The following MAML2 variants were observed in gnomAD, a reference collection of about 807,000 sequenced individuals.
MAML2 encodes mastermind-like protein 2.
MAML2 carries 22 observed loss-of-function variants against 96.1 expected under a neutral mutation model. That is an observed-to-expected ratio of 0.23 (90% confidence interval 0.16 to 0.33). MAML2 has a LOEUF of 0.33. Ranked by LOEUF, MAML2 falls within the 10% of genes least tolerant of loss-of-function variation. The pLI is 1.00. For missense variants in MAML2, 1,367 were observed against 1,392.4 expected (o/e 0.98, Z 0.29); for synonymous variants, 561 against 521.3 (o/e 1.08, Z -1.04).
intron 1 of MAML2, among the ~76,000 whole-genome samples, chr11:96,245,215 CTTTTTTT>C (rs10584752): frequency 7.6e-6 from 1 of 131,630 alleles, no homozygotes; most frequent in South Asian, 2.4e-4. Flanking sequence ...AGTCATCCTT[CTTTTTTT>C]TTTTTTTTTT....
rs1565211322 is a variant in MAML2 at position 96,092,084 on chromosome 11, C to T, written c.1947G>A (p.Gln649=). The change falls in exon 2 of 5, where the codon CAG becomes CAA. Residue 649 remains glutamine (Q), a synonymous_variant. Coordinates refer to ENST00000524717, the MANE Select transcript of MAML2 (RefSeq NM_032427.4). This position sits in a 1 kb window ranked among gnomAD's most constrained non-coding sequence, Gnocchi z 4.1. ...QQQQQQQQQQ[Q]QQQQQQQQQQ... ...GTTGTTGCTGTTGTTGTTGCTGCTG[C>T]TGCTGCTGTTGTTGCTGCTGCTGCT... The T allele has an allele frequency of 1.2e-5, 19 of 1,548,466 alleles. No homozygotes were observed. Among genetic ancestry groups the T allele is most frequent in the Non-Finnish European group, 1.7e-5 (19 of 1,146,204 alleles).
chr11:96,297,258 A>C (rs115718495), intron 1 of MAML2, among the ~76,000 whole-genome samples: 5,921 of 152,250 alleles, frequency 0.039, 204 homozygotes, highest in South Asian at 0.18. Flanking sequence ...TAAAGTTTTA[A>C]ATATTTGAGA....
intron 1 of MAML2, among the ~76,000 whole-genome samples, chr11:96,248,260 C>A (rs1862537058): frequency 6.6e-6 from 1 of 151,690 alleles, no homozygotes; most frequent in Non-Finnish European, 1.5e-5. Flanking sequence ...CTACAGGCAC[C>A]TGCCACCATG....
In MAML2 at chr11:96,235,809, A is replaced by G. The variant is rs144599223; in HGVS notation, c.513+105574T>C. 2.1e-3 allele frequency among the ~76,000 whole-genome samples: 317 copies of G among 152,346 alleles called. 1 individual carries two copies. Among genetic ancestry groups the G allele is most frequent in the African/African-American group, 7.3e-3 (304 of 41,588 alleles). Reference sequence around the variant, plus strand: ...CACTGAAACACTTCACATTATTTCAAGCATTCAGTACCGAGTAAAACCCCT... The same window carrying G: ...CACTGAAACACTTCACATTATTTCAGGCATTCAGTACCGAGTAAAACCCCT... On this transcript the variant is annotated intron_variant, in intron 1 of 4. Coordinates refer to ENST00000524717, the MANE Select transcript of MAML2 (RefSeq NM_032427.4).
At chr11:96,177,897 G>T (rs183580444) in intron 1 of MAML2, among the ~76,000 whole-genome samples, 21 of 147,936 alleles carry the variant, frequency 1.4e-4, no homozygotes, top group Non-Finnish European at 2.2e-4. Context: ...AGAAAAAATT[G>T]AATATCTGGA....
At chr11:96,083,663 C>A (rs558166050) in intron 2 of MAML2, among the ~76,000 whole-genome samples, 75 of 152,228 alleles carry the variant, frequency 4.9e-4, no homozygotes, top group Middle Eastern at 3.4e-3. Context: ...AGCCCCAGAA[C>A]AGAAGAAAGG....
intron 2 of MAML2, among the ~76,000 whole-genome samples, chr11:96,036,249 C>T (rs1003406177): frequency 2.6e-5 from 4 of 152,018 alleles, no homozygotes; most frequent in Non-Finnish European, 4.4e-5. Context: ...ATCAAAAAGC[C>T]GGGGGTAAGA....
At position 96,102,682 on chromosome 11, in the gene MAML2, T is replaced by A. The variant is rs1370657353; in HGVS notation, c.514-9165A>T. Among the ~76,000 whole-genome samples, 3 of 152,216 alleles carry A rather than the reference T, an allele frequency of 2.0e-5. No individual in the cohort carries two copies. The East Asian group carries it at 5.8e-4, about 29-fold the overall frequency. Reference sequence around the variant, plus strand: ...ATTAAACAATATCATTCTAGATCCATTCAGTGATAACCAATAGGATGACCC... The same window carrying A: ...ATTAAACAATATCATTCTAGATCCAATCAGTGATAACCAATAGGATGACCC... On this transcript the variant is annotated intron_variant, in intron 1 of 4. Coordinates refer to ENST00000524717, the MANE Select transcript of MAML2 (RefSeq NM_032427.4).
chr11:95,997,861 T>C (rs1225988855), intron 2 of MAML2, among the ~76,000 whole-genome samples: 7 of 152,170 alleles, frequency 4.6e-5, no homozygotes, highest in East Asian at 1.9e-4. Flanking sequence ...AGTCATCCTA[T>C]CTCTGCTCTT....
chr11:96,271,016 C>T (rs188930210), intron 1 of MAML2, among the ~76,000 whole-genome samples: 1 of 152,298 alleles, frequency 6.6e-6, no homozygotes, highest in East Asian at 1.9e-4. Context: ...TGGATGCTTC[C>T]TGCCCTCGAA....
intron 2 of MAML2, among the ~76,000 whole-genome samples, chr11:96,020,310 T>C (rs1440317510): frequency 1.3e-5 from 2 of 152,210 alleles, no homozygotes; most frequent in South Asian, 2.1e-4. Context: ...CCCAGGACTC[T>C]ATAGTCTGCT....
intron 1 of MAML2, among the ~76,000 whole-genome samples, chr11:96,270,098 C>T (rs1862894285): frequency 7.0e-6 from 1 of 143,840 alleles, no homozygotes; most frequent in African/African-American, 2.7e-5. Context: ...AGCTCTTGAT[C>T]TTTTCCTCAA....
At chr11:96,151,543 G>A (rs1188125748) in intron 1 of MAML2, among the ~76,000 whole-genome samples, 1 of 152,196 alleles carries the variant, frequency 6.6e-6, no homozygotes, top group Admixed American at 6.5e-5. Flanking sequence ...CTGGTGGGAG[G>A]TGATTGGATC....
chr11:96,294,847 A>T (rs1483428224), intron 1 of MAML2, among the ~76,000 whole-genome samples: 1 of 152,196 alleles, frequency 6.6e-6, no homozygotes, highest in Non-Finnish European at 1.5e-5. Flanking sequence ...GCCCTCTGTC[A>T]CCAAGCTGCT....
chr11:96,083,475 G>A (rs1049906784), intron 2 of MAML2, among the ~76,000 whole-genome samples: 7 of 152,058 alleles, frequency 4.6e-5, no homozygotes, highest in African/African-American at 1.7e-4. Flanking sequence ...TTGATCCATG[G>A]GGCAGCTGAG....
At chr11:96,056,841 C>G (rs1368750905) in intron 2 of MAML2, among the ~76,000 whole-genome samples, 1 of 152,188 alleles carries the variant, frequency 6.6e-6, no homozygotes, top group African/African-American at 2.4e-5. Flanking sequence ...AGGCACAAAT[C>G]TTTTCATTCA....
chr11:95,990,186 C>CT (rs1382667500), intron 3 of MAML2, among the ~76,000 whole-genome samples: 2 of 152,024 alleles, frequency 1.3e-5, no homozygotes, highest in African/African-American at 4.8e-5. Flanking sequence ...TTTTCTCTTA[C>CT]TTTTTATACT....
chr11:96,044,240 G>A (rs1445247181), intron 2 of MAML2, among the ~76,000 whole-genome samples: 3 of 152,218 alleles, frequency 2.0e-5, no homozygotes, highest in African/African-American at 7.2e-5. Flanking sequence ...AAGGGTTTTG[G>A]TGGTGGACTC....
At chr11:96,239,912 A>G (rs1232202432) in intron 1 of MAML2, among the ~76,000 whole-genome samples, 2 of 152,228 alleles carry the variant, frequency 1.3e-5, no homozygotes, top group African/African-American at 4.8e-5. Flanking sequence ...GAGCTGGACT[A>G]TTCCCATTGG....
Sources: allele counts gnomAD v4.1 joint callset (sites outside exome capture counted in the v4.1 genomes callset), GRCh38; gene constraint gnomAD v4.1.1; non-coding constraint Gnocchi (gnomAD v3.1); transcripts MANE v1.5; gene names NCBI Gene and HGNC (gene_info 2026-07-23, HGNC 2026-07-21).